TANGO6: variants seen among roughly 807,000 people sequenced by gnomAD.
TANGO6 encodes transport and Golgi organization protein 6 homolog.
Under a neutral mutation model 114.2 loss-of-function variants are expected in TANGO6, and 90 were observed. That is an observed-to-expected ratio of 0.79 (90% CI 0.66 to 0.94). The LOEUF is 0.94. TANGO6 is among the 40% of genes least tolerant of loss of function. TANGO6 has a pLI of 0.00. For synonymous variants in TANGO6, 477 were observed against 509.8 expected, an observed-to-expected ratio of 0.94 and a Z score of 0.87; for missense variants, 1,274 against 1,315.3, an observed-to-expected ratio of 0.97 and a Z score of 0.49.
intron 11 of TANGO6, among the ~76,000 whole-genome samples, chr16:68,913,601 GT>G (rs1200241265): frequency 1.3e-5 from 2 of 151,534 alleles, no homozygotes; most frequent in African/African-American, 2.4e-5. Context: ...TAGAGATGGG[GT>G]TTCACCATGT....
chr16:68,857,222 A>T (rs1962010129), intron 1 of TANGO6, among the ~76,000 whole-genome samples: 1 of 152,156 alleles, frequency 6.6e-6, no homozygotes, highest in Admixed American at 6.5e-5. Flanking sequence ...TGCCTCCTCC[A>T]GAATGTCATG....
chr16:68,992,760 T>C (rs573761233), intron 15 of TANGO6, among the ~76,000 whole-genome samples: 1 of 152,276 alleles, frequency 6.6e-6, no homozygotes, highest in Admixed American at 6.5e-5. Flanking sequence ...TCAAGCTTTG[T>C]ATTCTATGTT....
chr16:68,921,607 C>CTTT lies in TANGO6; in HGVS notation c.2127+2408_2127+2410dup, dbSNP rs1167059062. Among the ~76,000 whole-genome samples, 99 of 57,918 alleles carry CTTT rather than the reference C, an allele frequency of 1.7e-3. 3 individuals carry two copies. The highest frequency in any genetic ancestry group is 5.5e-3 in the African/African-American group (66 of 12,090). 38.0% of individuals were successfully genotyped at this position (57,918 alleles called of 152,430 possible). A position where few individuals can be genotyped will look rare whatever the true frequency, so the allele number is the denominator to read the frequency against. Reference sequence around the variant, plus strand: ...TCTTTTTCCACAAGGTGAGAGTGTGCTTTTTTTTTTTTTTTTTTTTTTGGC... The same window carrying CTTT: ...TCTTTTTCCACAAGGTGAGAGTGTGCTTTTTTTTTTTTTTTTTTTTTTTTTGGC... On this transcript the variant is annotated intron_variant, in intron 12 of 17. Coordinates refer to ENST00000261778, the MANE Select transcript of TANGO6 (RefSeq NM_024562.2).
chr16:68,922,939 G>GTTTTTTT lies in TANGO6; in HGVS notation c.2127+3741_2127+3747dup, dbSNP rs531603542. 1.6e-4 allele frequency among the ~76,000 whole-genome samples: 13 copies of GTTTTTTT among 79,050 alleles called. 2 individuals are homozygous for GTTTTTTT. The highest frequency in any genetic ancestry group is 2.6e-4 in the African/African-American group (5 of 18,976). The allele number at this position is 79,050 out of a possible 152,430, so 51.9% of individuals were successfully genotyped here. On this transcript the variant is annotated intron_variant, in intron 12 of 17. Coordinates refer to ENST00000261778, the MANE Select transcript of TANGO6 (RefSeq NM_024562.2). ...TCTTACTCTACACTGCTTAGGTCAT[G>GTTTTTTT]TTTTTTTTTTTTTTTTTTTTTTTTT... is the stretch of plus-strand genomic sequence containing the variant.
chr16:68,895,972 A>G (rs1253092151), intron 7 of TANGO6, among the ~76,000 whole-genome samples: 1 of 150,890 alleles, frequency 6.6e-6, no homozygotes, highest in Non-Finnish European at 1.5e-5. Context: ...TTTTTGAGAC[A>G]GTGTCTCACT....
In TANGO6 at chr16:68,909,302, CTCT is replaced by C. The variant is rs1322865545; in HGVS notation, c.1897_1899del (p.Leu633del). On this transcript the variant is annotated inframe_deletion, in exon 11 of 18. Coordinates refer to ENST00000261778, the MANE Select transcript of TANGO6 (RefSeq NM_024562.2). ...CTCTTGGAATTAGAGCAACATCAGA[CTCT>C]TCTTGTGGAAGGCCAAGAGCGGAAG... 3.7e-6 allele frequency: 6 copies of C among 1,611,414 alleles called. No homozygotes were observed. In the East Asian group the frequency reaches 1.1e-4, roughly 30 times the overall value.
intron 17 of TANGO6, among the ~76,000 whole-genome samples, chr16:69,052,536 G>A (rs1959968793): frequency 6.6e-6 from 1 of 152,040 alleles, no homozygotes; most frequent in Non-Finnish European, 1.5e-5. Flanking sequence ...AAAGTCATAG[G>A]ATTACAGGTG....
intron 11 of TANGO6, among the ~76,000 whole-genome samples, chr16:68,912,560 G>A (rs1962938440): frequency 2.0e-5 from 3 of 152,250 alleles, no homozygotes; most frequent in East Asian, 3.9e-4. Flanking sequence ...CGTGAACTTG[G>A]GAGGTGGAGG....
chr16:69,018,440 G>T (rs1320015922), intron 15 of TANGO6, among the ~76,000 whole-genome samples: 2 of 150,482 alleles, frequency 1.3e-5, no homozygotes, highest in Non-Finnish European at 3.0e-5. Flanking sequence ...GAGCCACCGC[G>T]CCCGGCCGGA....
chr16:68,922,710 G>T (rs1272577747), intron 12 of TANGO6, among the ~76,000 whole-genome samples: 1 of 152,038 alleles, frequency 6.6e-6, no homozygotes, highest in African/African-American at 2.4e-5. Flanking sequence ...ATTGTCCATT[G>T]GTCTCTAAAG....
intron 17 of TANGO6, among the ~76,000 whole-genome samples, chr16:69,072,788 A>G (rs1396923589): frequency 1.3e-5 from 2 of 152,146 alleles, no homozygotes; most frequent in Non-Finnish European, 1.5e-5. Context: ...CACAGGCAGT[A>G]TTGTTATTTT....
chr16:68,927,715 G>A lies in TANGO6; in HGVS notation c.2275G>A (p.Val759Ile), dbSNP rs763354277. 6.1e-5 allele frequency: 98 copies of A among 1,613,816 alleles called. 1 individual carries two copies. In the Admixed American group the frequency reaches 6.2e-4, roughly 10 times the overall value. The change falls in exon 13 of 18, where the codon GTC becomes ATC. Residue 759 changes from valine to isoleucine, a missense_variant. This residue lies in a region of TANGO6 where 908 missense variants were observed against 910.2 expected (regional missense o/e 1.00). Transcript: ENST00000261778. ...STHGAFATEA[V>I]SMAAQSTLNR... ...CCATGGAGCCTTTGCCACTGAGGCC[G>A]TCAGCATGGCTGCCCAAAGTACACT...
chr16:68,848,810 T>G (rs964572010), intron 1 of TANGO6, among the ~76,000 whole-genome samples: 1 of 152,130 alleles, frequency 6.6e-6, no homozygotes, highest in African/African-American at 2.4e-5. Context: ...TTTCAATTAT[T>G]GTATTCCTTG....
At chr16:68,879,739 C>G (rs896637825) in intron 6 of TANGO6, among the ~76,000 whole-genome samples, 3 of 150,938 alleles carry the variant, frequency 2.0e-5, no homozygotes, top group Non-Finnish European at 4.4e-5. Context: ...GCCTCAGCCT[C>G]CTGAGTAGCT....
intron 17 of TANGO6, among the ~76,000 whole-genome samples, chr16:69,047,847 ACT>A (rs1959887078): frequency 6.6e-6 from 1 of 152,154 alleles, no homozygotes; most frequent in East Asian, 1.9e-4. Context: ...TTATATTGAA[ACT>A]CTTTCCCTTG....
At chr16:68,894,903 C>T (rs1962683433) in intron 7 of TANGO6, among the ~76,000 whole-genome samples, 2 of 152,228 alleles carry the variant, frequency 1.3e-5, no homozygotes, top group South Asian at 2.1e-4. Flanking sequence ...CTCCGAGTCC[C>T]TGGCAACCAC....
At chr16:69,063,875 C>T (rs1016651118) in intron 17 of TANGO6, among the ~76,000 whole-genome samples, 1 of 150,128 alleles carries the variant, frequency 6.7e-6, no homozygotes, top group Non-Finnish European at 1.5e-5. Context: ...GAGCCTCTGT[C>T]GCCCAGACTG....
At position 68,843,628 on chromosome 16, in the gene TANGO6, G is replaced by T. The variant is rs760746324; in HGVS notation, c.11G>T (p.Arg4Leu). 3.1e-6 allele frequency: 5 copies of T among 1,613,300 alleles called. No homozygotes were observed. In the African/African-American group the frequency reaches 6.7e-5, roughly 22 times the overall value. Residue 4 changes from arginine to leucine, a missense_variant, in exon 1 of 18, where the codon CGA (arginine) becomes CTA (leucine). By Grantham distance (102) the Arg-to-Leu change is moderately radical. Around this residue, in one of 5 missense-constraint regions of TANGO6, gnomAD observed 114 missense variants for 104.6 expected, o/e 1.09. Coordinates refer to ENST00000261778, the MANE Select transcript of TANGO6 (RefSeq NM_024562.2). MAA[R>L]QAVGSGAQET... ...TGTTACACTCCAGTCATGGCGGCCCGACAGGCCGTGGGCAGCGGGGCTCAG... is the reference window on the plus strand; with the variant it reads ...TGTTACACTCCAGTCATGGCGGCCCTACAGGCCGTGGGCAGCGGGGCTCAG...
intron 14 of TANGO6, among the ~76,000 whole-genome samples, chr16:68,969,495 A>G (rs1368797131): frequency 6.6e-6 from 1 of 151,992 alleles, no homozygotes; most frequent in Admixed American, 6.6e-5. Flanking sequence ...CCTGTATCCT[A>G]GAAGGTAAAA....
Sources: gnomAD v4.1 joint callset for allele counts (sites outside exome capture counted in the v4.1 genomes callset) on GRCh38, gnomAD v4.1.1 for gene constraint, gnomAD v4.1.1 regional missense constraint, MANE v1.5 for transcripts, NCBI Gene and HGNC (gene_info 2026-07-23, HGNC 2026-07-21) for gene names.